Variants in LOC400499 observed in about 807,000 individuals in gnomAD.
the LOC400499 span, among the ~76,000 whole-genome samples, chr16:11,374,637 C>G: frequency 6.6e-6 from 1 of 152,128 alleles, no homozygotes; most frequent in Non-Finnish European, 1.5e-5. Context: ...AAGGGTCATC[C>G]ATGTGGTAGC....
the LOC400499 span, among the ~76,000 whole-genome samples, chr16:11,519,781 C>T: frequency 4.0e-5 from 6 of 151,542 alleles, no homozygotes; most frequent in East Asian, 1.2e-3. Flanking sequence ...TCTTGGCTCA[C>T]AGCAACCTCC....
At chr16:11,476,863 C>T in the LOC400499 span, 1 of 399,646 alleles carries the variant, frequency 2.5e-6, no homozygotes, top group Non-Finnish European at 4.4e-6. Flanking sequence ...GCTGGCGGCG[C>T]TGCGGACGCT....
chr16:11,498,148 A>G, the LOC400499 span, among the ~76,000 whole-genome samples: 109,017 of 152,044 alleles, frequency 0.72, 39,287 homozygotes, highest in Admixed American at 0.78. Context: ...TCAAGAAGCC[A>G]CACTTCACCA....
chr16:11,442,948 G>A, the LOC400499 span, among the ~76,000 whole-genome samples: 10 of 152,272 alleles, frequency 6.6e-5, no homozygotes, highest in South Asian at 1.9e-3. Flanking sequence ...AACTAATGGT[G>A]AAGGGAGCCC....
the LOC400499 span, among the ~76,000 whole-genome samples, chr16:11,418,369 A>G: frequency 6.6e-6 from 1 of 152,184 alleles, no homozygotes; most frequent in East Asian, 1.9e-4. Flanking sequence ...TACAGGTCAT[A>G]AAGACCTTGC....
At chr16:11,473,228 T>A in the LOC400499 span, 2 of 151,340 alleles carry the variant, frequency 1.3e-5, no homozygotes, top group African/African-American at 4.9e-5. Context: ...TATTGTATGT[T>A]ATAGTTTCAA....
chr16:11,392,704 G>C, the LOC400499 span: 1 of 897,724 alleles, frequency 1.1e-6, no homozygotes, highest in Non-Finnish European at 1.3e-6. Flanking sequence ...ACGGCAGTCA[G>C]TTAGGGATGC....
At chr16:11,472,038 C>A in the LOC400499 span, 1 of 386,086 alleles carries the variant, frequency 2.6e-6, no homozygotes, top group Non-Finnish European at 4.6e-6. Flanking sequence ...TATTTGGGGG[C>A]TGTCCTGTGC....
At chr16:11,504,732 G>C in the LOC400499 span, among the ~76,000 whole-genome samples, 3 of 152,120 alleles carry the variant, frequency 2.0e-5, no homozygotes, top group Non-Finnish European at 4.4e-5. Flanking sequence ...AGACCAGCCT[G>C]GCCAACATGG....
chr16:11,383,693 T>A, the LOC400499 span: 2 of 1,232,432 alleles, frequency 1.6e-6, no homozygotes, highest in Non-Finnish European at 2.0e-6. Flanking sequence ...CACAGGTGGA[T>A]GTAGGCGGCC....
chr16:11,425,839 A>G, the LOC400499 span, among the ~76,000 whole-genome samples: 1 of 152,206 alleles, frequency 6.6e-6, no homozygotes, highest in East Asian at 1.9e-4. Flanking sequence ...AGGATACTCG[A>G]CTTGGTTTAT....
chr16:11,475,120 G>A, the LOC400499 span, among the ~76,000 whole-genome samples: 2 of 152,186 alleles, frequency 1.3e-5, no homozygotes, highest in Admixed American at 6.5e-5. Context: ...TGTGGATTCA[G>A]TCATGTGACC....
chr16:11,375,148 TATTAA>T, the LOC400499 span, among the ~76,000 whole-genome samples: 34 of 144,054 alleles, frequency 2.4e-4, no homozygotes, highest in African/African-American at 3.2e-4. Flanking sequence ...GCACCTGACC[TATTAA>T]CTCTTTGATG....
chr16:11,392,730 G>A, the LOC400499 span: 1 of 969,946 alleles, frequency 1.0e-6, no homozygotes, highest in Non-Finnish European at 1.2e-6. Context: ...GGCTTCAGGG[G>A]GTTTCCTGAG....
chr16:11,441,051 G>A, the LOC400499 span: 55 of 399,072 alleles, frequency 1.4e-4, 1 homozygote, highest in East Asian at 9.3e-4. Context: ...GACTTTCAAA[G>A]TGGCCTCGAC....
At chr16:11,403,910 A>C in the LOC400499 span, among the ~76,000 whole-genome samples, 1 of 152,126 alleles carries the variant, frequency 6.6e-6, no homozygotes, top group Non-Finnish European at 1.5e-5. Flanking sequence ...GATAAGCCCC[A>C]GCTCCTCTCT....
the LOC400499 span, among the ~76,000 whole-genome samples, chr16:11,395,354 A>G: frequency 1.3e-5 from 2 of 152,122 alleles, no homozygotes; most frequent in African/African-American, 4.8e-5. Context: ...TCCCAAATAA[A>G]TCGGGGATAG....
chr16:11,446,739 C>T, the LOC400499 span: 2 of 1,535,458 alleles, frequency 1.3e-6, no homozygotes, highest in South Asian at 2.4e-5. Context: ...ATGCCCCAGA[C>T]ACACTCACGT....
At chr16:11,499,372 C>A in the LOC400499 span, among the ~76,000 whole-genome samples, 1 of 148,744 alleles carries the variant, frequency 6.7e-6, no homozygotes, top group Non-Finnish European at 1.5e-5. Context: ...GGGAAGGAGA[C>A]AGACATTTCC....
Sources: gnomAD v4.1 joint callset for allele counts (sites outside exome capture counted in the v4.1 genomes callset) on GRCh38, gnomAD v4.1.1 for gene constraint, MANE v1.5 for transcripts.